ASIP: variants seen among roughly 807,000 people sequenced by gnomAD.
The protein encoded by ASIP is agouti-signaling protein.
In ASIP, 11 loss-of-function variants were observed where a neutral mutation model predicts 10.3. That is an observed-to-expected ratio of 1.07 (90% CI 0.68 to 1.78). The LOEUF is 1.78. Among genes scored for constraint, ASIP ranks in the 40% most tolerant of loss-of-function variants. The pLI, the probability that ASIP is intolerant of heterozygous loss-of-function variation, is 0.00. For synonymous variants in ASIP, 70 were observed against 70.8 expected, an observed-to-expected ratio of 0.99 and a Z score of 0.06; for missense variants, 180 against 169.2, an observed-to-expected ratio of 1.06 and a Z score of -0.35.
At chr20:34,223,739 C>T (rs1371494083) in intron 1 of ASIP, among the ~76,000 whole-genome samples, 12 of 138,188 alleles carry the variant, frequency 8.7e-5, no homozygotes, top group Middle Eastern at 3.4e-3. Flanking sequence ...TCATTGAGAA[C>T]GGGCCAGGAT....
intron 3 of ASIP, among the ~76,000 whole-genome samples, chr20:34,265,528 A>C (rs2035769235): frequency 6.6e-6 from 1 of 152,146 alleles, no homozygotes; most frequent in Non-Finnish European, 1.5e-5. Context: ...TGTCTCAAAG[A>C]AAAAAAGGAT....
chr20:34,214,601 G>A, intron 1 of ASIP: 1 of 1,297,612 alleles, frequency 7.7e-7, no homozygotes, highest in Non-Finnish European at 1.1e-6. Context: ...GAGGCCAGTA[G>A]TAACTCTCGT....
chr20:34,253,417 T>C (rs1302933657), intron 1 of ASIP, among the ~76,000 whole-genome samples: 1 of 149,510 alleles, frequency 6.7e-6, no homozygotes, highest in South Asian at 2.1e-4. Context: ...GATCTCTCTT[T>C]CTTTTCCCTA....
chr20:34,187,994 G>T, the ASIP span, among the ~76,000 whole-genome samples: 1 of 152,176 alleles, frequency 6.6e-6, no homozygotes, highest in East Asian at 1.9e-4. Context: ...ACTTCAGGCT[G>T]AGCCTGTAAT....
intron 1 of ASIP, among the ~76,000 whole-genome samples, chr20:34,203,588 G>C (rs2034914971): frequency 6.6e-6 from 1 of 151,828 alleles, no homozygotes; most frequent in Non-Finnish European, 1.5e-5. Flanking sequence ...GTAGAGACAG[G>C]GTTTCGCCAC....
chr20:34,213,617 T>C, intron 1 of ASIP: 1 of 1,566,832 alleles, frequency 6.4e-7, no homozygotes, highest in Non-Finnish European at 8.8e-7. Flanking sequence ...AATTTGGCCG[T>C]AATCTGGTTG....
chr20:34,224,028 G>A (rs200780181), intron 1 of ASIP, among the ~76,000 whole-genome samples: 17,485 of 116,994 alleles, frequency 0.15, 487 homozygotes, highest in South Asian at 0.21. Context: ...CAGCATGCTC[G>A]TTAAGAGTCA....
chr20:34,246,753 G>A (rs1051997109), intron 1 of ASIP, among the ~76,000 whole-genome samples: 3 of 151,974 alleles, frequency 2.0e-5, no homozygotes, highest in African/African-American at 4.8e-5. Flanking sequence ...CCCCTGTGCC[G>A]GGCCTTCATC....
intron 1 of ASIP, among the ~76,000 whole-genome samples, chr20:34,219,464 C>A (rs534394663): frequency 1.3e-5 from 2 of 152,336 alleles, no homozygotes; most frequent in East Asian, 3.9e-4. Flanking sequence ...AAATCTAATT[C>A]TGCCTGGCTC....
chr20:34,243,773 AAAAC>A (rs1206651472), intron 1 of ASIP, among the ~76,000 whole-genome samples: 1 of 151,808 alleles, frequency 6.6e-6, no homozygotes, highest in Non-Finnish European at 1.5e-5. Context: ...AAAAAAAAAA[AAAAC>A]TGTCTCGCCG....
At chr20:34,245,491 G>A (rs559685884) in intron 1 of ASIP, among the ~76,000 whole-genome samples, 2 of 151,336 alleles carry the variant, frequency 1.3e-5, no homozygotes, top group Admixed American at 6.6e-5. Context: ...AGGTTCCAGC[G>A]ATTCTCAGGC....
At chr20:34,205,442 AGTGAAGCTGCAGACCTTCTCG>A (rs1173386553) in intron 1 of ASIP, among the ~76,000 whole-genome samples, 1 of 151,640 alleles carries the variant, frequency 6.6e-6, no homozygotes, top group African/African-American at 2.4e-5. Context: ...TGGCTTCAGG[AGTGAAGCTGCAGACCTTCTCG>A]GTGAGTGTTA....
intron 3 of ASIP, among the ~76,000 whole-genome samples, 167 bp from the exon 4 acceptor site, chr20:34,268,824 G>T (rs1436595747): frequency 6.6e-6 from 1 of 152,118 alleles, no homozygotes; most frequent in East Asian, 1.9e-4. Context: ...TCTGGATGGG[G>T]ATGGAGGTGA....
At chr20:34,260,013 A>G (rs572885247) in intron 1 of ASIP, among the ~76,000 whole-genome samples, 4 of 152,056 alleles carry the variant, frequency 2.6e-5, no homozygotes, top group South Asian at 4.2e-4. Flanking sequence ...GCCTTTCAAC[A>G]ACTCTGCCCA....
chr20:34,201,339 T>G (rs73269351), intron 1 of ASIP, among the ~76,000 whole-genome samples: 95 of 152,272 alleles, frequency 6.2e-4, no homozygotes, highest in African/African-American at 2.2e-3. Flanking sequence ...GAGTAAAGGT[T>G]AAACCTGTTG....
intron 1 of ASIP, among the ~76,000 whole-genome samples, chr20:34,232,206 ACAG>A (rs1315997601): frequency 1.3e-5 from 2 of 152,242 alleles, no homozygotes; most frequent in Non-Finnish European, 2.9e-5. Context: ...ATATTACTTC[ACAG>A]CTCAAAGTTG....
At chr20:34,262,031 T>C (rs1452016803) in intron 2 of ASIP, among the ~76,000 whole-genome samples, 1 of 151,688 alleles carries the variant, frequency 6.6e-6, no homozygotes, top group African/African-American at 2.4e-5. Context: ...GAAAATCACT[T>C]GAACCCAGGA....
rs542663529 is a variant in ASIP, at chr20:34,222,606, T to C, written c.-11+27846T>C. ...CAGGAATCTTTAACAAGCTCTAAGGTAATGGTAATGCAAAAGTTACTCCCT... is the reference window on the plus strand; with the variant it reads ...CAGGAATCTTTAACAAGCTCTAAGGCAATGGTAATGCAAAAGTTACTCCCT... On this transcript the variant is annotated intron_variant, in intron 1 of 3. Transcript: ENST00000568305. Among the ~76,000 whole-genome samples, 39 of 151,868 alleles carry C rather than the reference T, an allele frequency of 2.6e-4. No individual in the cohort carries two copies. In the South Asian group the frequency reaches 3.1e-3, roughly 12 times the overall value.
Position 34,235,840 on chromosome 20 carries a change from AGAAG to A in ASIP, c.-10-24501_-10-24498del, listed in dbSNP as rs1410217651. On this transcript the variant is annotated intron_variant, in intron 1 of 3. Transcript: ENST00000568305. ...AAGAAAGAAAGAAAGAAAGAAAGAAAGAAGGAAGGAAGGAAGGAAGGAAGGAAAG... is the reference window on the plus strand; with the variant it reads ...AAGAAAGAAAGAAAGAAAGAAAGAAAGAAGGAAGGAAGGAAGGAAGGAAAG... Among the ~76,000 whole-genome samples, 296 of 53,690 alleles carry A rather than the reference AGAAG, an allele frequency of 5.5e-3. 11 individuals carry two copies. The highest frequency in any genetic ancestry group is 7.1e-3 in the Non-Finnish European group (240 of 33,614). 35.2% of individuals were successfully genotyped at this position (53,690 alleles called of 152,430 possible).
Sources: allele counts gnomAD v4.1 joint callset (sites outside exome capture counted in the v4.1 genomes callset), GRCh38; gene constraint gnomAD v4.1.1; transcripts MANE v1.5; gene names NCBI Gene and HGNC (gene_info 2026-07-23, HGNC 2026-07-21).